The following PAPPA2 variants were observed in gnomAD, a reference collection of about 807,000 sequenced individuals.
PAPPA2 encodes the protein pappalysin 2.
Under a neutral mutation model 176.4 loss-of-function variants are expected in PAPPA2, and 86 were observed. That is an observed-to-expected ratio of 0.49 (90% CI 0.41 to 0.58). The LOEUF is 0.58. PAPPA2 is among the 20% of genes least tolerant of loss of function. PAPPA2 has a pLI of 0.00. For missense variants in PAPPA2, 2,073 were observed against 2,256.9 expected, an observed-to-expected ratio of 0.92 and a Z score of 1.65; for synonymous variants, 809 against 852.2, an observed-to-expected ratio of 0.95 and a Z score of 0.88.
chr1:176,809,924 T>A (rs1226212733), intron 21 of PAPPA2, among the ~76,000 whole-genome samples: 5 of 151,548 alleles, frequency 3.3e-5, no homozygotes, highest in Admixed American at 3.3e-4. Flanking sequence ...TGTGGAGTTT[T>A]GTCTCCTTAT....
At chr1:176,824,999 G>C (rs2102977809) in intron 21 of PAPPA2, among the ~76,000 whole-genome samples, 1 of 152,264 alleles carries the variant, frequency 6.6e-6, no homozygotes, top group East Asian at 1.9e-4. Flanking sequence ...CCTCTGACCT[G>C]GTTCCATGTC....
intron 3 of PAPPA2, among the ~76,000 whole-genome samples, chr1:176,626,631 T>G (rs1483135031): frequency 2.6e-5 from 4 of 152,170 alleles, no homozygotes; most frequent in Non-Finnish European, 4.4e-5. Context: ...TAGACAGTGT[T>G]TTGGAAATTC....
rs1664200317 is a variant in PAPPA2, at chr1:176,771,028, C to T, written c.4563C>T (p.Cys1521=). 1.2e-6 allele frequency: 2 copies of T among 1,614,070 alleles called. No homozygotes were observed. Among genetic ancestry groups the T allele is most frequent in the South Asian group, 2.2e-5 (2 of 91,090 alleles). Residue 1521 remains cysteine (C), a synonymous_variant, in exon 17 of 23, where the codon TGC becomes TGT. Transcript: ENST00000367662. ...DGLWSLPEVY[C]KLECDAPPII... ...TCTGGTCTCTCCCTGAAGTCTACTG[C>T]AAGTTGGAGTGTGATGCTCCCCCTA...
chr1:176,616,985 C>G (rs1440315616), intron 3 of PAPPA2, among the ~76,000 whole-genome samples: 1 of 152,196 alleles, frequency 6.6e-6, no homozygotes, highest in Non-Finnish European at 1.5e-5. Flanking sequence ...TCCAGTAATA[C>G]TGAGGCAACA....
intron 14 of PAPPA2, among the ~76,000 whole-genome samples, chr1:176,745,629 AAC>A (rs1480717130): frequency 6.6e-6 from 1 of 152,234 alleles, no homozygotes; most frequent in African/African-American, 2.4e-5. Flanking sequence ...GGAGAACTCT[AAC>A]AAATAAAAGA....
In PAPPA2 at chr1:176,576,886, A is replaced by G. The variant is rs184929311; in HGVS notation, c.920-17638A>G. On this transcript the variant is annotated intron_variant, in intron 2 of 22. Coordinates refer to ENST00000367662, the MANE Select transcript of PAPPA2 (RefSeq NM_020318.3). ...CTGACAGGTGCTGCTGATTTTAGATAGTGTAGAAAATGTTGCTAAATCAGA... is the reference window on the plus strand; with the variant it reads ...CTGACAGGTGCTGCTGATTTTAGATGGTGTAGAAAATGTTGCTAAATCAGA... 3.7e-3 allele frequency among the ~76,000 whole-genome samples: 553 copies of G among 151,466 alleles called. 1 individual carries two copies. Among genetic ancestry groups the G allele is most frequent in the Middle Eastern group, 0.02 (6 of 294 alleles).
chr1:176,634,419 A>G (rs1003364495), intron 3 of PAPPA2, among the ~76,000 whole-genome samples: 4 of 152,178 alleles, frequency 2.6e-5, no homozygotes, highest in Non-Finnish European at 5.9e-5. Context: ...GAAGGGGAAC[A>G]TCACACACTG....
chr1:176,588,776 CTG>C (rs552038801), intron 2 of PAPPA2, among the ~76,000 whole-genome samples: 26 of 152,252 alleles, frequency 1.7e-4, no homozygotes, highest in African/African-American at 5.1e-4. Flanking sequence ...GGCTATGAGC[CTG>C]TTACTCTAGC....
intron 3 of PAPPA2, among the ~76,000 whole-genome samples, chr1:176,660,290 G>A (rs1182427237): frequency 6.6e-6 from 1 of 151,680 alleles, no homozygotes; most frequent in African/African-American, 2.4e-5. Context: ...CCATTGATTG[G>A]TGTTAAACCC....
In PAPPA2 at chr1:176,702,753, G is replaced by C. The variant is rs763156303; in HGVS notation, c.3365+18G>C. On this transcript the variant is annotated intron_variant, in intron 9 of 22. Transcript: ENST00000367662. The stretch of plus-strand genomic sequence containing the variant: ...GTGTCAGAGTGAGTATTTTGTGTGT[G>C]TGTGTGTGTGTGTGTGTGTGTGTGA... 6.5e-7 allele frequency: 1 copy of C among 1,546,710 alleles called. No individual in the cohort carries two copies. The highest frequency in any genetic ancestry group is 2.3e-5 in the East Asian group (1 of 44,028).
At chr1:176,798,770 C>A (rs1042652879) in intron 20 of PAPPA2, among the ~76,000 whole-genome samples, 1 of 152,152 alleles carries the variant, frequency 6.6e-6, no homozygotes, top group Admixed American at 6.5e-5. Flanking sequence ...ATTTTGATAA[C>A]CCCTTTTTAA....
chr1:176,748,898 A>G (rs999580168), intron 14 of PAPPA2, among the ~76,000 whole-genome samples: 2 of 152,248 alleles, frequency 1.3e-5, no homozygotes, highest in Non-Finnish European at 2.9e-5. Context: ...ATATTTGCAC[A>G]ATAAAATCAC....
At chr1:176,813,037 C>T (rs1025173537) in intron 21 of PAPPA2, among the ~76,000 whole-genome samples, 3 of 151,980 alleles carry the variant, frequency 2.0e-5, no homozygotes, top group Admixed American at 1.3e-4. Flanking sequence ...TGAGAACATG[C>T]GATATTTGAT....
At chr1:176,754,017 G>GT (rs143392724) in intron 14 of PAPPA2, among the ~76,000 whole-genome samples, 36,864 of 136,562 alleles carry the variant, frequency 0.27, 4,863 homozygotes, top group Middle Eastern at 0.42. Context: ...CTTTTCAACT[G>GT]TTTTTTTTTT....
intron 1 of PAPPA2, among the ~76,000 whole-genome samples, chr1:176,507,966 A>G (rs1648380295): frequency 6.6e-6 from 1 of 152,154 alleles, no homozygotes; most frequent in Non-Finnish European, 1.5e-5. Flanking sequence ...AAAAGTAAAA[A>G]TCGGAAGAAA....
chr1:176,729,016 C>T (rs1005687952), intron 12 of PAPPA2, among the ~76,000 whole-genome samples: 1 of 151,714 alleles, frequency 6.6e-6, no homozygotes. Context: ...GGTATAGCAT[C>T]CTTTACATAA....
At chr1:176,467,473 A>G (rs1275036665) in intron 1 of PAPPA2, among the ~76,000 whole-genome samples, 1 of 152,172 alleles carries the variant, frequency 6.6e-6, no homozygotes, top group Non-Finnish European at 1.5e-5. Flanking sequence ...CCCCATCTGA[A>G]CTTTGAGAAG....
At chr1:176,540,837 C>T (rs75020634) in intron 1 of PAPPA2, among the ~76,000 whole-genome samples, 5,911 of 152,242 alleles carry the variant, frequency 0.039, 374 homozygotes, top group African/African-American at 0.13. Context: ...AATCATCTCC[C>T]ACCAGAGACA....
In PAPPA2 at chr1:176,595,388, A is replaced by G. The variant is rs772674729; in HGVS notation, c.1784A>G (p.His595Arg). ...NCEPSKIGND[H>R]CDPECEHPLT... ...GAGCCCAGCAAGATTGGCAATGACC[A>G]TTGTGACCCCGAGTGTGAGCACCCA... Residue 595 changes from histidine (H) to arginine (R), a missense_variant, in exon 3 of 23, where the codon CAT becomes CGT. His to Arg is a conservative substitution (Grantham distance 29). This residue lies in a region of PAPPA2 where 1,196 missense variants were observed against 1,330.4 expected (regional missense o/e 0.90). Coordinates refer to ENST00000367662, the MANE Select transcript of PAPPA2 (RefSeq NM_020318.3). The G allele has an allele frequency of 5.0e-6, 8 of 1,614,182 alleles. No homozygotes were observed. Among genetic ancestry groups the G allele is most frequent in the Non-Finnish European group, 5.9e-6 (7 of 1,180,026 alleles).
Sources: gnomAD v4.1 joint callset for allele counts (sites outside exome capture counted in the v4.1 genomes callset) on GRCh38, gnomAD v4.1.1 for gene constraint, gnomAD v4.1.1 regional missense constraint, MANE v1.5 for transcripts, NCBI Gene and HGNC (gene_info 2026-07-23, HGNC 2026-07-21) for gene names.